Variants in TMEM272 observed in about 807,000 individuals in gnomAD.
TMEM272 encodes transmembrane protein 272.
A neutral mutation model predicts 3.7 loss-of-function variants in TMEM272; 8 were observed. That is an observed-to-expected ratio of 2.17 (90% CI 1.27 to 3.91). TMEM272 has a LOEUF of 3.91. Among genes scored for constraint, TMEM272 ranks in the 30% most tolerant of loss-of-function variants. The probability of loss-of-function intolerance (pLI) is 0.00; values close to 1 mark genes in which losing one functional copy is unlikely to be tolerated. For synonymous variants in TMEM272, 63 were observed against 39.8 expected (o/e 1.58, Z -2.20); for missense variants, 166 against 91.5 (o/e 1.81, Z -3.32).
the TMEM272 span, among the ~76,000 whole-genome samples, chr13:51,850,832 TAGAA>T: frequency 6.6e-6 from 1 of 152,202 alleles, no homozygotes; most frequent in Non-Finnish European, 1.5e-5. Flanking sequence ...TGTCATACAA[TAGAA>T]AGAAATGTTT....
At chr13:51,916,662 G>T in the TMEM272 span, among the ~76,000 whole-genome samples, 6 of 152,104 alleles carry the variant, frequency 3.9e-5, no homozygotes, top group Non-Finnish European at 7.4e-5. Flanking sequence ...TCCCTGGGGC[G>T]CCATTGGCCC....
the TMEM272 span, among the ~76,000 whole-genome samples, chr13:51,864,094 CCCTT>C: frequency 4.7e-5 from 7 of 149,666 alleles, no homozygotes; most frequent in East Asian, 2.0e-4. Flanking sequence ...TTCCTTCCCT[CCCTT>C]CCTTCCTTCC....
At chr13:51,907,552 C>T in the TMEM272 span, among the ~76,000 whole-genome samples, 13 of 152,206 alleles carry the variant, frequency 8.5e-5, no homozygotes, top group Non-Finnish European at 1.3e-4. Flanking sequence ...CCTGCTGAAA[C>T]TACTCAAACT....
chr13:51,822,417 G>C (rs530375813), intron 3 of TMEM272, among the ~76,000 whole-genome samples: 1 of 152,114 alleles, frequency 6.6e-6, no homozygotes, highest in African/African-American at 2.4e-5. Context: ...ACTGGCTATG[G>C]GTTGCACTCT....
chr13:51,899,584 G>A, the TMEM272 span, among the ~76,000 whole-genome samples: 2 of 152,098 alleles, frequency 1.3e-5, no homozygotes, highest in Non-Finnish European at 2.9e-5. Flanking sequence ...CCAAATTGAT[G>A]AACAGATTCA....
chr13:51,816,535 T>C lies in TMEM272; in HGVS notation c.*216A>G. 4.1e-6 allele frequency: 2 copies of C among 493,402 alleles called. No homozygotes were observed. Among genetic ancestry groups the C allele is most frequent in the South Asian group, 6.7e-5 (2 of 29,700 alleles). The allele number at this position is 493,402 out of a possible 1,614,324, so 30.6% of individuals were successfully genotyped here. Reference sequence around the variant, plus strand: ...CCCACTCTGAAAAGAGCAGAAGTGATTTCCCCATGTCTAGGAAGGCAAGAG... The same window carrying C: ...CCCACTCTGAAAAGAGCAGAAGTGACTTCCCCATGTCTAGGAAGGCAAGAG... On this transcript the variant is annotated 3_prime_UTR_variant, in exon 5 of 5. Coordinates refer to ENST00000629372, the MANE Select transcript of TMEM272 (RefSeq NM_001351003.2).
Position 51,821,692 on chromosome 13 carries a change from A to C in TMEM272, c.201+363T>G, listed in dbSNP as rs1566336016. On this transcript the variant is annotated intron_variant, in intron 4 of 4. Transcript: ENST00000629372. ...TCAAAAAAAAAAAAAAAAAAAGCAA[A>C]AAAAAAAAAAGCAGCAGCAGCAGCA... Among the ~76,000 whole-genome samples, 10 of 6,176 alleles carry C rather than the reference A, an allele frequency of 1.6e-3. 2 individuals carry two copies. The highest frequency in any genetic ancestry group is 1.8e-3 in the Non-Finnish European group (5 of 2,772). The allele number at this position is 6,176 out of a possible 152,430, so 4.1% of individuals were successfully genotyped here.
chr13:51,851,410 C>CAAGAAGAAG, the TMEM272 span, among the ~76,000 whole-genome samples: 1 of 139,944 alleles, frequency 7.1e-6, no homozygotes, highest in Admixed American at 7.2e-5. Context: ...AGAAGAAGAA[C>CAAGAAGAAG]AAGAAGAAGA....
chr13:51,869,651 G>C, the TMEM272 span, among the ~76,000 whole-genome samples: 47,541 of 151,650 alleles, frequency 0.31, 7,599 homozygotes, highest in East Asian at 0.42. Flanking sequence ...CGCCATGCCC[G>C]GCTAATTTTT....
the TMEM272 span, among the ~76,000 whole-genome samples, chr13:51,873,514 A>G: frequency 2.6e-5 from 4 of 152,218 alleles, no homozygotes; most frequent in Non-Finnish European, 5.9e-5. Context: ...CTTGAATTTC[A>G]TCATACATCG....
chr13:51,894,097 T>C, the TMEM272 span, among the ~76,000 whole-genome samples: 900 of 152,276 alleles, frequency 5.9e-3, 6 homozygotes, highest in African/African-American at 0.021. Context: ...GAAGAACTGC[T>C]TGGGGAACAA....
At chr13:51,880,494 GA>G in the TMEM272 span, among the ~76,000 whole-genome samples, 2 of 11,250 alleles carry the variant, frequency 1.8e-4, no homozygotes, top group African/African-American at 5.0e-4. Flanking sequence ...AACATACAGG[GA>G]ATTTTTTTTT....
the TMEM272 span, among the ~76,000 whole-genome samples, chr13:51,910,780 C>T: frequency 3.3e-5 from 5 of 152,264 alleles, no homozygotes; most frequent in Admixed American, 1.3e-4. Context: ...CTGGAGGACA[C>T]GAGCACCCAC....
the TMEM272 span, chr13:51,909,413 A>G: frequency 4.6e-6 from 4 of 870,108 alleles, no homozygotes; most frequent in South Asian, 5.3e-5. Flanking sequence ...CTAACCGGTT[A>G]TTTTCCTCTA....
chr13:51,876,646 G>T, the TMEM272 span, among the ~76,000 whole-genome samples: 53 of 152,168 alleles, frequency 3.5e-4, no homozygotes, highest in Non-Finnish European at 6.2e-4. Flanking sequence ...GTTTTTGGGA[G>T]CAATGGGTGG....
chr13:51,878,006 G>C, the TMEM272 span, among the ~76,000 whole-genome samples: 1 of 152,200 alleles, frequency 6.6e-6, no homozygotes, highest in African/African-American at 2.4e-5. Context: ...GTTCCGCGGG[G>C]CTGAAGAGTT....
chr13:51,871,785 TACACACACACACACACACACACACACAC>T, the TMEM272 span, among the ~76,000 whole-genome samples: 1,538 of 129,682 alleles, frequency 0.012, 16 homozygotes, highest in Non-Finnish European at 0.014. Context: ...AATCTCCCCC[TACACACACACACACACACACACACACAC>T]ACACACACAC....
the TMEM272 span, among the ~76,000 whole-genome samples, chr13:51,890,309 T>C: frequency 1.3e-5 from 2 of 152,114 alleles, no homozygotes; most frequent in African/African-American, 4.8e-5. Context: ...CATGAACAGA[T>C]TAATTCCCTC....
the TMEM272 span, among the ~76,000 whole-genome samples, chr13:51,889,803 G>A: frequency 2.6e-5 from 4 of 152,064 alleles, no homozygotes; most frequent in East Asian, 1.9e-4. Flanking sequence ...CACCACGCCC[G>A]ACTAATTTTG....
Sources: gnomAD v4.1 joint callset for allele counts (sites outside exome capture counted in the v4.1 genomes callset) on GRCh38, gnomAD v4.1.1 for gene constraint, MANE v1.5 for transcripts, NCBI Gene and HGNC (gene_info 2026-07-23, HGNC 2026-07-21) for gene names.